The following BSPRY variants were observed in gnomAD, a reference collection of about 807,000 sequenced individuals.
The protein encoded by BSPRY is B-box and SPRY domain containing, also known as B box and SPRY domain-containing protein.
Under a neutral mutation model 38.0 loss-of-function variants are expected in BSPRY, and 33 were observed. The ratio of observed to expected loss-of-function variants is 0.87; its 90% confidence interval spans 0.66 to 1.16. The LOEUF is 1.16. Ranked by LOEUF, BSPRY falls within the 50% of genes most tolerant of loss-of-function variation. The pLI is 0.00. For synonymous variants in BSPRY, 224 were observed against 228.5 expected, an observed-to-expected ratio of 0.98 and a Z score of 0.18; for missense variants, 523 against 533.2, an observed-to-expected ratio of 0.98 and a Z score of 0.19.
intron 4 of BSPRY, among the ~76,000 whole-genome samples, chr9:113,366,091 C>T (rs1287516418): frequency 4.6e-5 from 7 of 152,118 alleles, no homozygotes; most frequent in Non-Finnish European, 2.9e-5. Context: ...AGGCATAAGC[C>T]ACCATGCCCA....
At chr9:113,351,255 C>T (rs1833967442) in intron 1 of BSPRY, among the ~76,000 whole-genome samples, 1 of 152,158 alleles carries the variant, frequency 6.6e-6, no homozygotes, top group Non-Finnish European at 1.5e-5. Context: ...ATATTTATCT[C>T]CTTTGCCTGA....
At position 113,368,319 on chromosome 9, in the gene BSPRY, G is replaced by C; in HGVS notation, c.618G>C (p.Glu206Asp). 6.2e-7 allele frequency: 1 copy of C among 1,614,132 alleles called. No homozygotes were observed. The highest frequency in any genetic ancestry group is 8.5e-7 in the Non-Finnish European group (1 of 1,180,026). Residue 206 changes from glutamate (E) to aspartate (D), a missense_variant, in exon 5 of 6, where the codon GAG becomes GAC. Transcript: ENST00000374183. The part of the protein sequence containing the change: ...PQESEMLNFN[E>D]KCTRSPLLTQ... ...AGTCGGAAATGTTAAACTTTAATGAGAAGTGCACTCGGAGCCCACTACTGA... is the reference window on the plus strand; with the variant it reads ...AGTCGGAAATGTTAAACTTTAATGACAAGTGCACTCGGAGCCCACTACTGA...
intron 1 of BSPRY, among the ~76,000 whole-genome samples, chr9:113,351,272 G>T (rs1031011848): frequency 2.6e-5 from 4 of 152,202 alleles, no homozygotes; most frequent in African/African-American, 9.6e-5. Context: ...CTGAAGGGAG[G>T]TGGGTCTTAC....
intron 3 of BSPRY, 90 bp downstream of exon 3, chr9:113,360,827 T>C (rs1219874569): frequency 8.8e-7 from 1 of 1,133,660 alleles, no homozygotes; most frequent in African/African-American, 1.6e-5. Flanking sequence ...ATGAGGAGGG[T>C]GGAAATGAGA....
Position 113,362,462 on chromosome 9 carries a change from C to T in BSPRY, c.557+68C>T. 4 of 1,503,292 alleles carry T rather than the reference C, an allele frequency of 2.7e-6. No individual in the cohort carries two copies. In the South Asian group the frequency reaches 4.5e-5, roughly 17 times the overall value. The allele number at this position is 1,503,292 out of a possible 1,614,324, so 93.1% of individuals were successfully genotyped here. The stretch of plus-strand genomic sequence containing the variant: ...CCTTAGACCTCTTCACACTCCACTG[C>T]CTTCAGCCCTGCTGCTCTTGGGAGA... On this transcript the variant is annotated intron_variant, in intron 4 of 5. Transcript: ENST00000374183.
rs1192035687 is a variant in BSPRY at position 113,370,927 on chromosome 9, ACT to A, written c.*788_*789del. 3.3e-5 allele frequency: 5 copies of A among 152,050 alleles called. No individual in the cohort carries two copies. Among genetic ancestry groups the A allele is most frequent in the Non-Finnish European group, 7.4e-5 (5 of 68,006 alleles). 9.4% of individuals were successfully genotyped at this position (152,050 alleles called of 1,614,324 possible). On this transcript the variant is annotated 3_prime_UTR_variant, in exon 6 of 6. Transcript: ENST00000374183. This position sits in a 1 kb window ranked among gnomAD's most constrained non-coding sequence, Gnocchi z 4.8. ...CTGAAAGGCTGCTCCTGGCCAGAGG[ACT>A]CTGTCCCGGGGGACCGTGTCCTCCC... is the stretch of plus-strand genomic sequence containing the variant.
chr9:113,360,774 C>A (rs1834141465), intron 3 of BSPRY, 37 bp downstream of exon 3: 3 of 1,496,778 alleles, frequency 2.0e-6, no homozygotes, highest in South Asian at 1.2e-5. Flanking sequence ...ACCAGTTGGC[C>A]AGGCTCCCCA....
At chr9:113,365,452 G>T (rs564394286) in intron 4 of BSPRY, among the ~76,000 whole-genome samples, 1 of 152,226 alleles carries the variant, frequency 6.6e-6, no homozygotes, top group East Asian at 1.9e-4. Context: ...GCCTGTAGAA[G>T]CCCTTTCAAG....
intron 1 of BSPRY, among the ~76,000 whole-genome samples, chr9:113,351,453 T>C (rs1173046614): frequency 1.3e-5 from 2 of 152,250 alleles, no homozygotes; most frequent in African/African-American, 4.8e-5. Context: ...AGAAGCCTTC[T>C]CAGTGCTCTT....
intron 4 of BSPRY, among the ~76,000 whole-genome samples, chr9:113,362,652 G>GA (rs1834175085): frequency 6.6e-6 from 1 of 152,180 alleles, no homozygotes; most frequent in African/African-American, 2.4e-5. Context: ...TCTGTAAAAA[G>GA]GTAGTCACCC....
intron 2 of BSPRY, among the ~76,000 whole-genome samples, chr9:113,356,556 C>T (rs1027164601): frequency 3.3e-5 from 5 of 151,866 alleles, no homozygotes; most frequent in South Asian, 2.1e-4. Context: ...TGATTATAGG[C>T]GGCAAAGGTT....
chr9:113,359,358 T>C (rs1834114181), intron 2 of BSPRY, among the ~76,000 whole-genome samples: 1 of 152,246 alleles, frequency 6.6e-6, no homozygotes, highest in South Asian at 2.1e-4. Flanking sequence ...ACTTGGAGTC[T>C]TACCTTCTGG....
chr9:113,361,853 G>T (rs1162719747), intron 3 of BSPRY, among the ~76,000 whole-genome samples: 1 of 152,168 alleles, frequency 6.6e-6, no homozygotes, highest in Admixed American at 6.5e-5. Context: ...AGGGGAGAAG[G>T]TGGCATCTGA....
In BSPRY at chr9:113,360,522, G is replaced by A. The variant is rs372300464; in HGVS notation, c.316G>A (p.Ala106Thr). Residue 106 changes from alanine (A) to threonine (T), a missense_variant, in exon 3 of 6, where the codon GCG becomes ACG. Transcript: ENST00000374183. ...CCCTCATTAGAGCATGGCCAGTGCAGCGAGGGAACTGGTTATCCAGCGGTT... is the reference window on the plus strand; with the variant it reads ...CCCTCATTAGAGCATGGCCAGTGCAACGAGGGAACTGGTTATCCAGCGGTT... The part of the protein sequence containing the change: ...NQRAVSMASA[A>T]RELVIQRLSL... 27 of 1,598,790 alleles carry A rather than the reference G, an allele frequency of 1.7e-5. No homozygotes were observed. In the South Asian group the frequency reaches 1.8e-4, roughly 11 times the overall value.
chr9:113,367,626 C>T (rs1834272580), intron 4 of BSPRY, among the ~76,000 whole-genome samples: 1 of 152,158 alleles, frequency 6.6e-6, no homozygotes, highest in African/African-American at 2.4e-5. Flanking sequence ...GGTCTTAGCC[C>T]CAGCTCTGCC....
rs1283610672 is a variant in BSPRY at position 113,354,235 on chromosome 9, T to C, written c.202-5T>C. ...AAGATGCCACAAGCGTTGTTTGTGT[T>C]GCAGAACAAGATTGTGGACCAGTGT... On this transcript the variant is annotated splice_polypyrimidine_tract_variant and splice_region_variant and intron_variant, in intron 1 of 5. Coordinates refer to ENST00000374183, the MANE Select transcript of BSPRY (RefSeq NM_017688.3). 6.2e-7 allele frequency: 1 copy of C among 1,613,354 alleles called. No individual in the cohort carries two copies. Among genetic ancestry groups the C allele is most frequent in the Non-Finnish European group, 8.5e-7 (1 of 1,179,314 alleles).
Position 113,370,372 on chromosome 9 carries a change from T to C in BSPRY, c.*230T>C. On this transcript the variant is annotated 3_prime_UTR_variant, in exon 6 of 6. Coordinates refer to ENST00000374183, the MANE Select transcript of BSPRY (RefSeq NM_017688.3). The surrounding 1 kb of genome is among the most constrained non-coding windows in gnomAD (Gnocchi z 4.8). ...GGGCCACATTTGAAGAAGAATTTTC[T>C]TGGGCCACATAAAATACACTAACGA... is the stretch of plus-strand genomic sequence containing the variant. The C allele has an allele frequency of 4.8e-6, 2 of 416,040 alleles. No homozygotes were observed. The highest frequency in any genetic ancestry group is 8.3e-6 in the Non-Finnish European group (2 of 240,638). The allele number at this position is 416,040 out of a possible 1,614,324, so 25.8% of individuals were successfully genotyped here. A position where few individuals can be genotyped will look rare whatever the true frequency, so the allele number is the denominator to read the frequency against.
intron 4 of BSPRY, among the ~76,000 whole-genome samples, chr9:113,365,918 C>T (rs1834243132): frequency 6.6e-6 from 1 of 151,268 alleles, no homozygotes; most frequent in Non-Finnish European, 1.5e-5. Flanking sequence ...GATTCTCCTG[C>T]CTCAGCCTGC....
At chr9:113,360,372 A>G in intron 2 of BSPRY, 135 bp from the exon 3 acceptor site, 2 of 805,502 alleles carry the variant, frequency 2.5e-6, no homozygotes, top group Non-Finnish European at 2.0e-6. Flanking sequence ...CTTACATGCT[A>G]TTATTTCCAT....
Sources: allele counts gnomAD v4.1 joint callset (sites outside exome capture counted in the v4.1 genomes callset), GRCh38; gene constraint gnomAD v4.1.1; non-coding constraint Gnocchi (gnomAD v3.1); transcripts MANE v1.5; gene names NCBI Gene and HGNC (gene_info 2026-07-23, HGNC 2026-07-21).